ME1: variants seen among roughly 807,000 people sequenced by gnomAD.
The protein encoded by ME1 is malic enzyme 1.
In ME1, 74 loss-of-function variants were observed where a neutral mutation model predicts 66.4. The observed-to-expected ratio is 1.11, with a 90% confidence interval of 0.92 to 1.35. ME1 has a LOEUF of 1.35. Among genes scored for constraint, ME1 ranks in the 40% most tolerant of loss-of-function variants. The pLI is 0.00. For missense variants in ME1, 750 were observed against 694.1 expected (o/e 1.08, Z -0.90); for synonymous variants, 251 against 235.6 (o/e 1.07, Z -0.60).
At chr6:83,354,074 T>C (rs1226863064) in intron 3 of ME1, among the ~76,000 whole-genome samples, 3 of 152,174 alleles carry the variant, frequency 2.0e-5, no homozygotes, top group Non-Finnish European at 2.9e-5. Flanking sequence ...GTTTCAGGGC[T>C]CTATACTCCT....
intron 3 of ME1, among the ~76,000 whole-genome samples, chr6:83,395,192 A>G (rs1769705102): frequency 6.6e-6 from 1 of 152,008 alleles, no homozygotes; most frequent in Non-Finnish European, 1.5e-5. Flanking sequence ...GATTCCAGCA[A>G]TTCTCCTACC....
intron 2 of ME1, among the ~76,000 whole-genome samples, chr6:83,403,808 T>C (rs1769880355): frequency 6.6e-6 from 1 of 152,214 alleles, no homozygotes; most frequent in Admixed American, 6.5e-5. Context: ...AGCTTATCGA[T>C]GTCCCTGCAA....
At chr6:83,349,892 C>T (rs16884217) in intron 4 of ME1, among the ~76,000 whole-genome samples, 3,621 of 152,208 alleles carry the variant, frequency 0.024, 155 homozygotes, top group East Asian at 0.16. Flanking sequence ...ATTCTCTTAC[C>T]GAACTTGATA....
rs1219050023 is a variant in ME1 at position 83,294,444 on chromosome 6, T to C, written c.704+20866A>G. Among the ~76,000 whole-genome samples the C allele has an allele frequency of 2.2e-4, 34 of 152,142 alleles. 1 individual carries two copies. Among genetic ancestry groups the C allele is most frequent in the Admixed American group, 2.2e-3 (33 of 15,264 alleles). ...GAGCTTGCAGCACACACAGTCACCA[T>C]ACAGAGAGGAGAATGGTCTTTCCTC... On this transcript the variant is annotated intron_variant, in intron 6 of 13. Transcript: ENST00000369705.
At chr6:83,266,711 T>C (rs1219012086) in intron 6 of ME1, among the ~76,000 whole-genome samples, 1 of 152,180 alleles carries the variant, frequency 6.6e-6, no homozygotes, top group Non-Finnish European at 1.5e-5. Context: ...GTTTTAGAAT[T>C]GCTTCCATTG....
At chr6:83,422,884 GGCCTA>G (rs1770294226) in intron 1 of ME1, among the ~76,000 whole-genome samples, 1 of 151,820 alleles carries the variant, frequency 6.6e-6, no homozygotes, top group African/African-American at 2.4e-5. Flanking sequence ...AATATCAAAA[GGCCTA>G]ACATTTGTAT....
chr6:83,394,216 T>C (rs1769686230), intron 3 of ME1, among the ~76,000 whole-genome samples: 1 of 152,066 alleles, frequency 6.6e-6, no homozygotes. Flanking sequence ...AAATGTAACA[T>C]GGATATGTGC....
At chr6:83,222,730 G>T (rs778058466) in intron 12 of ME1, among the ~76,000 whole-genome samples, 1 of 152,144 alleles carries the variant, frequency 6.6e-6, no homozygotes, top group Non-Finnish European at 1.5e-5. Flanking sequence ...CTTGTGCCAG[G>T]AATTATCAAA....
intron 6 of ME1, among the ~76,000 whole-genome samples, chr6:83,254,253 A>G (rs1278271324): frequency 6.6e-6 from 1 of 152,198 alleles, no homozygotes; most frequent in Non-Finnish European, 1.5e-5. Context: ...TAAAAGCCCT[A>G]TTTGGCTATA....
At chr6:83,373,096 C>T (rs538775045) in intron 3 of ME1, among the ~76,000 whole-genome samples, 2 of 152,268 alleles carry the variant, frequency 1.3e-5, no homozygotes, top group East Asian at 3.9e-4. Context: ...TATTAGATAA[C>T]ACTTTATTAA....
chr6:83,309,980 T>G (rs576942298), intron 6 of ME1, among the ~76,000 whole-genome samples: 1 of 152,308 alleles, frequency 6.6e-6, no homozygotes, highest in South Asian at 2.1e-4. Context: ...TATACTCAGA[T>G]GTAGAATTAC....
At chr6:83,265,547 C>T (rs752014144) in intron 6 of ME1, among the ~76,000 whole-genome samples, 8 of 152,086 alleles carry the variant, frequency 5.3e-5, no homozygotes, top group Non-Finnish European at 8.8e-5. Context: ...ACTATTCACC[C>T]GCCTTAGCCT....
intron 1 of ME1, among the ~76,000 whole-genome samples, chr6:83,412,590 A>G (rs1003967014): frequency 2.6e-5 from 4 of 152,238 alleles, no homozygotes; most frequent in African/African-American, 9.6e-5. Context: ...AAATAATTTG[A>G]AACAACAAAA....
chr6:83,425,926 A>G (rs1426132978), intron 1 of ME1, among the ~76,000 whole-genome samples: 2 of 152,174 alleles, frequency 1.3e-5, no homozygotes, highest in African/African-American at 4.8e-5. Context: ...TTAATCCCCA[A>G]TGCAACTGTG....
At chr6:83,403,037 G>C (rs2095447) in intron 2 of ME1, among the ~76,000 whole-genome samples, 48,249 of 151,992 alleles carry the variant, frequency 0.32, 8,021 homozygotes, top group Middle Eastern at 0.49. Flanking sequence ...AAGATATACT[G>C]ACTCTGCATC....
At chr6:83,281,964 TAA>T (rs1321288009) in intron 6 of ME1, among the ~76,000 whole-genome samples, 3 of 140,040 alleles carry the variant, frequency 2.1e-5, no homozygotes, top group African/African-American at 2.6e-5. Context: ...TAATACAACT[TAA>T]AAAAAAAAAA....
intron 11 of ME1, among the ~76,000 whole-genome samples, chr6:83,224,840 C>T (rs2128523558): frequency 6.6e-6 from 1 of 152,050 alleles, no homozygotes; most frequent in South Asian, 2.1e-4. Flanking sequence ...CAATTGTCTT[C>T]ATTTTGCCTA....
intron 3 of ME1, chr6:83,392,717 T>A: frequency 1.6e-6 from 1 of 626,138 alleles, no homozygotes; most frequent in Admixed American, 1.8e-5. Flanking sequence ...TTCACCAGCA[T>A]CTTCACCACC....
chr6:83,242,683 C>T (rs1790531562), intron 7 of ME1, among the ~76,000 whole-genome samples: 1 of 151,816 alleles, frequency 6.6e-6, no homozygotes, highest in African/African-American at 2.4e-5. Flanking sequence ...TCTACTAAAA[C>T]AATAGAAAAC....
Sources: allele counts gnomAD v4.1 joint callset (sites outside exome capture counted in the v4.1 genomes callset), GRCh38; gene constraint gnomAD v4.1.1; transcripts MANE v1.5; gene names NCBI Gene and HGNC (gene_info 2026-07-23, HGNC 2026-07-21).